The following ABCB9 variants were observed in gnomAD, a reference collection of about 807,000 sequenced individuals.
ABCB9 encodes ATP binding cassette subfamily B member 9.
In ABCB9, 36 loss-of-function variants were observed where a neutral mutation model predicts 62.0. That is an observed-to-expected ratio of 0.58 (90% CI 0.45 to 0.77). The LOEUF (loss-of-function observed/expected upper bound fraction) is 0.77. Among genes scored for constraint, ABCB9 ranks in the 30% least tolerant of loss-of-function variants. ABCB9 has a pLI of 0.00. For missense variants in ABCB9, 943 were observed against 1,054.7 expected, an observed-to-expected ratio of 0.89 and a Z score of 1.47; for synonymous variants, 435 against 461.4, an observed-to-expected ratio of 0.94 and a Z score of 0.73.
chr12:122,953,216 T>G (rs1012905901), intron 2 of ABCB9: 2 of 136,616 alleles, frequency 1.5e-5, no homozygotes, highest in African/African-American at 5.1e-5. Context: ...ACCACATACA[T>G]TTTTTTTTTT....
In ABCB9 at chr12:122,932,570, AG is replaced by A. The variant is rs1324163274; in HGVS notation, c.1904-243del. 6.6e-6 allele frequency among the ~76,000 whole-genome samples: 1 copy of A among 152,258 alleles called. No homozygotes were observed. The highest frequency in any genetic ancestry group is 1.5e-5 in the Non-Finnish European group (1 of 68,036). ...TTTGGCAGAAACCCAAACATCTGAT[AG>A]CACACAGTGCAGGTGAGGCTGCAGG... On this transcript the variant is annotated intron_variant, in intron 10 of 11. Coordinates refer to ENST00000280560, the MANE Select transcript of ABCB9 (RefSeq NM_019625.4). This position sits in a 1 kb window ranked among gnomAD's most constrained non-coding sequence, Gnocchi z 4.7.
At position 122,959,947 on chromosome 12, in the gene ABCB9, C is replaced by T. The variant is rs144842568; in HGVS notation, c.289G>A (p.Ala97Thr). The change falls in exon 2 of 12, where the codon GCC (alanine) becomes ACC (threonine). Residue 97 changes from alanine to threonine, a missense_variant. Physicochemically the swap from Ala to Thr is moderately conservative, Grantham distance 58. Transcript: ENST00000280560. The surrounding 1 kb of genome is among the most constrained non-coding windows in gnomAD (Gnocchi z 5.4). ...TLVCLFVGIY[A>T]MVKLLLFSEV... ...GAGAAGAGCAGCAGCTTCACCATGG[C>T]ATAGATGCCCACGAAGAGGCACACG... 41 of 1,613,208 alleles carry T rather than the reference C, an allele frequency of 2.5e-5. No homozygotes were observed. The highest frequency in any genetic ancestry group is 3.2e-5 in the Non-Finnish European group (38 of 1,179,980).
At chr12:122,948,333 T>C (rs2036155477) in intron 5 of ABCB9, 1 of 275,432 alleles carries the variant, frequency 3.6e-6, no homozygotes, top group Admixed American at 5.1e-5. Context: ...TTTACTGTAT[T>C]GTGGATTCTC....
rs372605536 is a variant in ABCB9, at chr12:122,958,960, C to G, written c.601+675G>C. ...ATATTGCCCAGGCTGGTCTTGAACTCCTGGGCTCAGGCAATCTTCCCACCT... is the reference window on the plus strand; with the variant it reads ...ATATTGCCCAGGCTGGTCTTGAACTGCTGGGCTCAGGCAATCTTCCCACCT... On this transcript the variant is annotated intron_variant, in intron 2 of 11. Coordinates refer to ENST00000280560, the MANE Select transcript of ABCB9 (RefSeq NM_019625.4). 9.9e-5 allele frequency among the ~76,000 whole-genome samples: 15 copies of G among 151,466 alleles called. 1 individual carries two copies. The South Asian group carries it at 2.9e-3, about 30-fold the overall frequency.
chr12:122,962,262 C>T (rs1209963934), intron 1 of ABCB9, among the ~76,000 whole-genome samples: 4 of 152,156 alleles, frequency 2.6e-5, no homozygotes, highest in Non-Finnish European at 5.9e-5. Context: ...GGGTTAGGAC[C>T]GGGCTGGGGT....
Position 122,959,905 on chromosome 12 carries a change from T to G in ABCB9, c.331A>C (p.Ile111Leu). The G allele has an allele frequency of 6.2e-7, 1 of 1,613,462 alleles. No homozygotes were observed. The highest frequency in any genetic ancestry group is 8.5e-7 in the Non-Finnish European group (1 of 1,179,910). The change falls in exon 2 of 12, where the codon ATC becomes CTC. Residue 111 changes from isoleucine to leucine, a missense_variant. Physicochemically the swap from Ile to Leu is conservative, Grantham distance 5. Coordinates refer to ENST00000280560, the MANE Select transcript of ABCB9 (RefSeq NM_019625.4). This position sits in a 1 kb window ranked among gnomAD's most constrained non-coding sequence, Gnocchi z 5.4. ...AGGGCCCAAAACCAGGGGTCCCGGA[T>G]GGGCCTGCGCACCTCTGAGAAGAGC... ...LLLFSEVRRPIRDPWFWALFV... is the reference protein window; with the variant it reads ...LLLFSEVRRPLRDPWFWALFV...
chr12:122,953,236 G>A (rs759664765), intron 2 of ABCB9, among the ~76,000 whole-genome samples: 5 of 148,010 alleles, frequency 3.4e-5, no homozygotes, highest in Non-Finnish European at 7.4e-5. Context: ...TTTTTGAGAT[G>A]GAGTCTCAGT....
chr12:122,938,339 G>A lies in ABCB9; in HGVS notation c.1743+1772C>T, dbSNP rs146445946. On this transcript the variant is annotated intron_variant, in intron 9 of 11. Transcript: ENST00000280560. ...ACTTGAGGCCAGGTGTTTGAGATCAGCCTGGGCAACATGGTGAGACCACAT... is the reference window on the plus strand; with the variant it reads ...ACTTGAGGCCAGGTGTTTGAGATCAACCTGGGCAACATGGTGAGACCACAT... Among the ~76,000 whole-genome samples, 456 of 152,072 alleles carry A rather than the reference G, an allele frequency of 3.0e-3. 1 individual carries two copies. The highest frequency in any genetic ancestry group is 5.5e-3 in the Non-Finnish European group (372 of 67,972).
intron 11 of ABCB9, among the ~76,000 whole-genome samples, chr12:122,923,215 G>T (rs1342934412): frequency 6.6e-6 from 1 of 152,046 alleles, no homozygotes; most frequent in Non-Finnish European, 1.5e-5. Context: ...CAATCCTCCC[G>T]TTTCAGGCTC....
Position 122,932,356 on chromosome 12 carries a change from T to G in ABCB9, c.1904-28A>C, listed in dbSNP as rs371613717. On this transcript the variant is annotated intron_variant, in intron 10 of 11. Transcript: ENST00000280560. The surrounding 1 kb of genome is among the most constrained non-coding windows in gnomAD (Gnocchi z 4.7). ...GTATGGTGGAGGCACAGAGACAATT[T>G]AGCAATGGGTGAGGCCGGGCAGCAC... 256 of 1,539,072 alleles carry G rather than the reference T, an allele frequency of 1.7e-4. No homozygotes were observed. The highest frequency in any genetic ancestry group is 2.1e-4 in the Non-Finnish European group (244 of 1,138,208).
intron 2 of ABCB9, among the ~76,000 whole-genome samples, chr12:122,953,371 C>T (rs572662116): frequency 4.6e-5 from 7 of 152,154 alleles, no homozygotes; most frequent in African/African-American, 1.7e-4. Context: ...CGCCATCACA[C>T]CCGGCTAAAT....
intron 2 of ABCB9, chr12:122,950,789 G>T: frequency 4.0e-6 from 2 of 499,550 alleles, no homozygotes; most frequent in Non-Finnish European, 7.2e-6. Flanking sequence ...CAGCCTGCTG[G>T]TTCTTCTTTA....
chr12:122,927,843 A>G (rs540594135), downstream of ABCB9, among the ~76,000 whole-genome samples: 1 of 152,368 alleles, frequency 6.6e-6, no homozygotes, highest in Admixed American at 6.5e-5. Context: ...AATTTGAGCC[A>G]ATACATAAAA....
In ABCB9 at chr12:122,935,306, G is replaced by T. The variant is rs1242965932; in HGVS notation, c.1869C>A (p.Gly623=). The change falls in exon 10 of 12, where the codon GGC becomes GGA. Residue 623 remains glycine, a synonymous_variant. Coordinates refer to ENST00000280560, the MANE Select transcript of ABCB9 (RefSeq NM_019625.4). ...AGCCGTCCTGGAGTTCCATGATGAA[G>T]CCGTGGGCATTGGCCTTCTGTGCGG... is the stretch of plus-strand genomic sequence containing the variant. ...VEAAQKANAH[G]FIMELQDGYS... is the part of the protein sequence containing the mutation. 6.2e-7 allele frequency: 1 copy of T among 1,613,004 alleles called. No homozygotes were observed. The highest frequency in any genetic ancestry group is 1.1e-5 in the South Asian group (1 of 90,804).
rs1594066219 is a variant in ABCB9 at position 122,959,501 on chromosome 12, A to T, written c.601+134T>A. On this transcript the variant is annotated intron_variant, in intron 2 of 11. Transcript: ENST00000280560. This position sits in a 1 kb window ranked among gnomAD's most constrained non-coding sequence, Gnocchi z 5.4. ...GCTGGGATTATAGATATGAGCCACT[A>T]TGCCTGGCCTCTTTTCCTTTTCATA... is the stretch of plus-strand genomic sequence containing the variant. The T allele has an allele frequency of 7.1e-7, 1 of 1,417,302 alleles. No homozygotes were observed. The highest frequency in any genetic ancestry group is 2.3e-5 in the East Asian group (1 of 42,934). The allele number at this position is 1,417,302 out of a possible 1,614,324, so 87.8% of individuals were successfully genotyped here.
chr12:122,929,621 A>T lies in ABCB9; in HGVS notation c.*290T>A. The T allele has an allele frequency of 8.3e-7, 1 of 1,205,170 alleles. No individual in the cohort carries two copies. The highest frequency in any genetic ancestry group is 1.0e-6 in the Non-Finnish European group (1 of 970,890). The allele number at this position is 1,205,170 out of a possible 1,614,324, so 74.7% of individuals were successfully genotyped here. On this transcript the variant is annotated 3_prime_UTR_variant, in exon 12 of 12. Coordinates refer to ENST00000280560, the MANE Select transcript of ABCB9 (RefSeq NM_019625.4). This position sits in a 1 kb window ranked among gnomAD's most constrained non-coding sequence, Gnocchi z 6.0. ...GAGTTGACTGGGGTGCCTCAAACCA[A>T]ACAGTAAAAACCCTGGTAAGACCTA...
chr12:122,943,496 C>T (rs932923735), intron 7 of ABCB9, among the ~76,000 whole-genome samples: 3 of 152,272 alleles, frequency 2.0e-5, no homozygotes, highest in East Asian at 3.9e-4. Context: ...ATGTGATGGA[C>T]GAGTCACTCC....
chr12:122,935,395 G>A lies in ABCB9; in HGVS notation c.1780C>T (p.Arg594Cys), dbSNP rs370215646. The stretch of plus-strand genomic sequence containing the variant: ...TAGGAGATGTTATCCGTGATGGAGC[G>A]GGCGAACAGCACGGGCTCCTGGCTC... ...LVSQEPVLFA[R>C]SITDNISYGL... The change falls in exon 10 of 12, where the codon CGC becomes TGC. Residue 594 changes from arginine to cysteine, a missense_variant. By Grantham distance (180) the Arg-to-Cys change is radical. Transcript: ENST00000280560. 88 of 1,613,776 alleles carry A rather than the reference G, an allele frequency of 5.5e-5. No individual in the cohort carries two copies. The highest frequency in any genetic ancestry group is 2.7e-4 in the East Asian group (12 of 44,884).
intron 1 of ABCB9, among the ~76,000 whole-genome samples, chr12:122,965,401 T>C (rs2037117771): frequency 1.3e-5 from 2 of 152,202 alleles, no homozygotes; most frequent in Admixed American, 6.5e-5. Flanking sequence ...AAGCACTGAC[T>C]GACAGAGGCC....
Sources: allele counts gnomAD v4.1 joint callset (sites outside exome capture counted in the v4.1 genomes callset), GRCh38; gene constraint gnomAD v4.1.1; non-coding constraint Gnocchi (gnomAD v3.1); transcripts MANE v1.5; gene names NCBI Gene and HGNC (gene_info 2026-07-23, HGNC 2026-07-21).